LCK: variants seen among roughly 807,000 people sequenced by gnomAD.
The protein encoded by LCK is tyrosine-protein kinase Lck.
LCK carries 14 observed loss-of-function variants against 64.6 expected under a neutral mutation model. That is an observed-to-expected ratio of 0.22 (90% CI 0.14 to 0.34). LCK has a LOEUF of 0.34. Ranked by LOEUF, LCK falls within the 10% of genes least tolerant of loss-of-function variation. The pLI is 1.00. For synonymous variants in LCK, 277 were observed against 263.6 expected, an observed-to-expected ratio of 1.05 and a Z score of -0.49; for missense variants, 434 against 668.1, an observed-to-expected ratio of 0.65 and a Z score of 3.86.
At position 32,285,705 on chromosome 1, in the gene LCK, C is replaced by T. The variant is rs1557592834; in HGVS notation, c.1519C>T (p.Pro507Ser). 1.2e-6 allele frequency: 2 copies of T among 1,601,494 alleles called. No homozygotes were observed. Among genetic ancestry groups the T allele is most frequent in the East Asian group, 4.5e-5 (2 of 44,310 alleles). The stretch of plus-strand genomic sequence containing the variant: ...CACGGCCACAGAGGGCCAGTACCAG[C>T]CTCAGCCTTGAGAGGCCTTGAGAGG... ...FFTATEGQYQ[P>S]QP is the part of the protein sequence containing the mutation. Residue 507 changes from proline (P) to serine (S), a missense_variant, in exon 13 of 13, where the codon CCT becomes TCT. Pro to Ser is a moderately conservative substitution (Grantham distance 74). Coordinates refer to ENST00000336890, the MANE Select transcript of LCK (RefSeq NM_005356.5).
chr1:32,257,454 G>A (rs956457333), intron 1 of LCK, among the ~76,000 whole-genome samples: 20 of 151,900 alleles, frequency 1.3e-4, no homozygotes, highest in African/African-American at 4.8e-4. Flanking sequence ...GTTTTGCCAT[G>A]TTGCCCAGGC....
Position 32,276,149 on chromosome 1 carries a change from G to A in LCK, c.631+86G>A. 5 of 1,527,982 alleles carry A rather than the reference G, an allele frequency of 3.3e-6. No homozygotes were observed. Among genetic ancestry groups the A allele is most frequent in the Non-Finnish European group, 3.6e-6 (4 of 1,113,164 alleles). The allele number at this position is 1,527,982 out of a possible 1,614,324, so 94.7% of individuals were successfully genotyped here. ...AGGTGTCCCCCATCCATCTTTCAAT[G>A]CCCTACTCCATTCCCCGCAGTGGGT... On this transcript the variant is annotated intron_variant, in intron 7 of 12. Coordinates refer to ENST00000336890, the MANE Select transcript of LCK (RefSeq NM_005356.5). This position sits in a 1 kb window ranked among gnomAD's most constrained non-coding sequence, Gnocchi z 4.6.
Position 32,274,754 on chromosome 1 carries a change from C to T in LCK, c.123C>T (p.Gly41=). ...CTCCACAGCTGCTCATCCGAAATGG[C>T]TCTGAGGTGCGGGACCCACTGGTTA... ...DGKGTLLIRN[G]SEVRDPLVTY... The change falls in exon 3 of 13, where the codon GGC becomes GGT. Residue 41 remains glycine (G), a synonymous_variant. Transcript: ENST00000336890. The T allele has an allele frequency of 6.3e-7, 1 of 1,598,410 alleles. No homozygotes were observed. Among genetic ancestry groups the T allele is most frequent in the Non-Finnish European group, 8.5e-7 (1 of 1,170,770 alleles).
At chr1:32,270,692 CTTTTT>C (rs34689678) in intron 1 of LCK, among the ~76,000 whole-genome samples, 4 of 96,794 alleles carry the variant, frequency 4.1e-5, no homozygotes, top group African/African-American at 1.8e-4. Flanking sequence ...CGTGCCCGGA[CTTTTT>C]TTTTTTTTTT....
rs768835510 is a variant in LCK at position 32,274,234 on chromosome 1, T to G, written c.-5-91T>G. 1.4e-4 allele frequency: 217 copies of G among 1,600,688 alleles called. 1 individual carries two copies. The highest frequency in any genetic ancestry group is 4.1e-5 in the Non-Finnish European group (48 of 1,175,534). On this transcript the variant is annotated intron_variant, in intron 1 of 12. Coordinates refer to ENST00000336890, the MANE Select transcript of LCK (RefSeq NM_005356.5). ...AGGATCTCACAATCTCAGGTACTTT[T>G]GGAACTTTCCAGGGCAAGGCCCCAT...
chr1:32,286,026 C>A lies in LCK; in HGVS notation c.*310C>A. The A allele has an allele frequency of 2.3e-6, 1 of 429,940 alleles. No homozygotes were observed. The highest frequency in any genetic ancestry group is 3.3e-5 in the South Asian group (1 of 30,588). The allele number at this position is 429,940 out of a possible 1,614,324, so 26.6% of individuals were successfully genotyped here. A position where few individuals can be genotyped will look rare whatever the true frequency, so the allele number is the denominator to read the frequency against. On this transcript the variant is annotated 3_prime_UTR_variant, in exon 13 of 13. Coordinates refer to ENST00000336890, the MANE Select transcript of LCK (RefSeq NM_005356.5). ...AGCCTGGGATTGACAGAAGCTTCTG[C>A]CCACCTACTTTTCTTTCCTCAGATC...
intron 12 of LCK, among the ~76,000 whole-genome samples, chr1:32,283,613 GC>G (rs2124379445): frequency 6.6e-6 from 1 of 152,232 alleles, no homozygotes; most frequent in African/African-American, 2.4e-5. Flanking sequence ...TGCCAGAGGG[GC>G]CAGGACCAGC....
intron 1 of LCK, among the ~76,000 whole-genome samples, chr1:32,260,929 T>C (rs1395301419): frequency 1.3e-5 from 2 of 152,226 alleles, no homozygotes; most frequent in Non-Finnish European, 2.9e-5. Flanking sequence ...ACCACCTGCC[T>C]GTTCTTGATG....
In LCK at chr1:32,251,798, C is replaced by A. The variant is rs1389613354; in HGVS notation, c.-6+427C>A. 1.3e-5 allele frequency among the ~76,000 whole-genome samples: 2 copies of A among 152,002 alleles called. No homozygotes were observed. The highest frequency in any genetic ancestry group is 2.9e-5 in the Non-Finnish European group (2 of 67,972). On this transcript the variant is annotated intron_variant, in intron 1 of 12. Transcript: ENST00000336890. This position sits in a 1 kb window ranked among gnomAD's most constrained non-coding sequence, Gnocchi z 4.0. Reference sequence around the variant, plus strand: ...GAGTGATGGCTGAGGCTGTGGCCACCCCGCCTGGAGCAGGGTGATGGACAG... The same window carrying A: ...GAGTGATGGCTGAGGCTGTGGCCACACCGCCTGGAGCAGGGTGATGGACAG...
At chr1:32,283,257 C>A (rs930618201) in intron 12 of LCK, among the ~76,000 whole-genome samples, 1 of 148,564 alleles carries the variant, frequency 6.7e-6, no homozygotes, top group African/African-American at 2.5e-5. Flanking sequence ...CCATTGCACT[C>A]CAGCCTGGGC....
At chr1:32,259,806 G>T in intron 1 of LCK, among the ~76,000 whole-genome samples, 1 of 151,876 alleles carries the variant, frequency 6.6e-6, no homozygotes, top group East Asian at 1.9e-4. Context: ...AAGAGAGCAA[G>T]AGGGCAAGAC....
intron 1 of LCK, among the ~76,000 whole-genome samples, chr1:32,254,314 T>C (rs1639577402): frequency 6.6e-6 from 1 of 151,530 alleles, no homozygotes; most frequent in Non-Finnish European, 1.5e-5. Context: ...AGGTCAGGAG[T>C]TCGAAACCAG....
intron 1 of LCK, among the ~76,000 whole-genome samples, chr1:32,258,248 A>G (rs950128395): frequency 2.7e-5 from 4 of 147,588 alleles, no homozygotes; most frequent in Non-Finnish European, 6.0e-5. Context: ...ATGCCACCGC[A>G]CTCCAGCCTG....
chr1:32,284,316 GATATATATATGTGAGAT>G lies in LCK; in HGVS notation c.1328-1188_1328-1172del, dbSNP rs1233164714. On this transcript the variant is annotated intron_variant, in intron 12 of 12. Coordinates refer to ENST00000336890, the MANE Select transcript of LCK (RefSeq NM_005356.5). ...GTGAGATATATATATATCTGTGAGAGATATATATATGTGAGATATATATATAATAATATATATATTAT... is the reference window on the plus strand; with the variant it reads ...GTGAGATATATATATATCTGTGAGAGATATATATAATAATATATATATTAT... 2.8e-3 allele frequency among the ~76,000 whole-genome samples: 410 copies of G among 146,250 alleles called. 1 individual carries two copies. Among genetic ancestry groups the G allele is most frequent in the African/African-American group, 0.01 (401 of 39,990 alleles).
chr1:32,260,055 T>G (rs751333781), intron 1 of LCK, among the ~76,000 whole-genome samples: 3 of 151,970 alleles, frequency 2.0e-5, no homozygotes, highest in Non-Finnish European at 4.4e-5. Flanking sequence ...TTATTTTATT[T>G]TATTTTTGAG....
Position 32,275,204 on chromosome 1 carries a change from G to A in LCK, c.279-117G>A, listed in dbSNP as rs1267878887. On this transcript the variant is annotated intron_variant, in intron 4 of 12. Coordinates refer to ENST00000336890, the MANE Select transcript of LCK (RefSeq NM_005356.5). The surrounding 1 kb of genome is among the most constrained non-coding windows in gnomAD (Gnocchi z 6.9). ...GGCCGCCCTTGGGACAAAATTCGAG[G>A]CTCAGTATTGCTGAGCCAGGGTTGG... The A allele has an allele frequency of 4.1e-6, 6 of 1,452,314 alleles. No individual in the cohort carries two copies. Among genetic ancestry groups the A allele is most frequent in the Non-Finnish European group, 5.8e-6 (6 of 1,040,420 alleles). 90.0% of individuals were successfully genotyped at this position (1,452,314 alleles called of 1,614,324 possible).
At chr1:32,252,657 C>CA (rs1639535425) in intron 1 of LCK, among the ~76,000 whole-genome samples, 1 of 152,168 alleles carries the variant, frequency 6.6e-6, no homozygotes, top group South Asian at 2.1e-4. Flanking sequence ...ACGAATCAGA[C>CA]AGGGTCCCTT....
At chr1:32,252,802 G>A (rs865981167) in intron 1 of LCK, among the ~76,000 whole-genome samples, 19 of 152,206 alleles carry the variant, frequency 1.2e-4, no homozygotes, top group Admixed American at 9.2e-4. Flanking sequence ...TCCTGCAAGA[G>A]TCAAGACAGT....
intron 1 of LCK, among the ~76,000 whole-genome samples, chr1:32,267,432 C>T (rs185375291): frequency 1.3e-5 from 2 of 152,234 alleles, no homozygotes; most frequent in East Asian, 1.9e-4. Context: ...ACATGACTTC[C>T]GGTACCCATG....
Sources: allele counts gnomAD v4.1 joint callset (sites outside exome capture counted in the v4.1 genomes callset), GRCh38; gene constraint gnomAD v4.1.1; non-coding constraint Gnocchi (gnomAD v3.1); transcripts MANE v1.5; gene names NCBI Gene and HGNC (gene_info 2026-07-23, HGNC 2026-07-21).